CNTN5: variants seen among roughly 807,000 people sequenced by gnomAD.
The protein encoded by CNTN5 is contactin 5, also known as contactin-5.
In CNTN5, 77 loss-of-function variants were observed where a neutral mutation model predicts 129.1. The ratio of observed to expected loss-of-function variants is 0.60; its 90% confidence interval spans 0.50 to 0.72. The LOEUF is 0.72. CNTN5 is among the 30% of genes least tolerant of loss of function. The pLI, the probability that CNTN5 is intolerant of heterozygous loss-of-function variation, is 0.00. For synonymous variants in CNTN5, 509 were observed against 465.6 expected (o/e 1.09, Z -1.20); for missense variants, 1,478 against 1,328.8 (o/e 1.11, Z -1.75).
intron 1 of CNTN5, among the ~76,000 whole-genome samples, chr11:99,274,567 G>A (rs1306476442): frequency 6.6e-6 from 1 of 151,434 alleles, no homozygotes; most frequent in Non-Finnish European, 1.5e-5. Context: ...ATAATTAACT[G>A]TGATTTACTT....
chr11:99,422,784 T>C (rs1942958847), intron 2 of CNTN5, among the ~76,000 whole-genome samples: 1 of 151,964 alleles, frequency 6.6e-6, no homozygotes, highest in South Asian at 2.1e-4. Context: ...ATGTTTGGAA[T>C]GTTCAAAGAA....
rs1865390039 is a variant in CNTN5 at position 99,072,734 on chromosome 11, T to C, written c.-210+51464T>C. ...TTCTATGCTTTTTAAAAAATTGAGATATAGCATATACTCAGAAAAGTGCGC... is the reference window on the plus strand; with the variant it reads ...TTCTATGCTTTTTAAAAAATTGAGACATAGCATATACTCAGAAAAGTGCGC... On this transcript the variant is annotated intron_variant, in intron 1 of 24. Transcript: ENST00000524871. Among the ~76,000 whole-genome samples the C allele has an allele frequency of 2.0e-5, 3 of 152,140 alleles. No homozygotes were observed. The South Asian group carries it at 6.2e-4, about 31-fold the overall frequency.
chr11:99,099,265 AT>A (rs1336683863), intron 1 of CNTN5, among the ~76,000 whole-genome samples: 2 of 152,144 alleles, frequency 1.3e-5, no homozygotes. Context: ...AATCTTAAAG[AT>A]ATTAGTATAA....
chr11:100,115,827 AT>A (rs1861987565), intron 13 of CNTN5, among the ~76,000 whole-genome samples: 1 of 152,064 alleles, frequency 6.6e-6, no homozygotes, highest in Non-Finnish European at 1.5e-5. Context: ...GTTACAAGGT[AT>A]TTTGGGTTTT....
intron 18 of CNTN5, among the ~76,000 whole-genome samples, chr11:100,273,041 T>C (rs550597189): frequency 1.2e-3 from 189 of 152,236 alleles, no homozygotes; most frequent in Non-Finnish European, 1.5e-3. Flanking sequence ...TGTCCTGAAC[T>C]CTGTAAGGCA....
intron 3 of CNTN5, among the ~76,000 whole-genome samples, chr11:99,691,197 A>AC (rs908213576): frequency 6.6e-6 from 1 of 151,202 alleles, no homozygotes; most frequent in Admixed American, 6.6e-5. Context: ...CAAAAAAAAA[A>AC]CCAGCACCTG....
At chr11:100,252,526 C>A (rs1949984448) in intron 16 of CNTN5, among the ~76,000 whole-genome samples, 1 of 151,842 alleles carries the variant, frequency 6.6e-6, no homozygotes, top group Non-Finnish European at 1.5e-5. Flanking sequence ...ATATTTTTTT[C>A]TAGTAGTTTT....
intron 2 of CNTN5, among the ~76,000 whole-genome samples, chr11:99,326,986 G>A (rs1361920108): frequency 6.6e-6 from 1 of 152,080 alleles, no homozygotes; most frequent in Non-Finnish European, 1.5e-5. Context: ...CATCTTGGAA[G>A]CTGTTATTTC....
intron 1 of CNTN5, among the ~76,000 whole-genome samples, chr11:99,245,572 C>T (rs1001348230): frequency 3.3e-5 from 5 of 152,084 alleles, no homozygotes; most frequent in Non-Finnish European, 5.9e-5. Context: ...CCACCTGCCT[C>T]GGCCTCCCAA....
chr11:99,538,763 A>T (rs1292738364), intron 2 of CNTN5, among the ~76,000 whole-genome samples: 5 of 152,112 alleles, frequency 3.3e-5, no homozygotes, highest in African/African-American at 4.8e-5. Flanking sequence ...TTTAAAGTTA[A>T]CTGTTTGCCC....
chr11:99,568,703 T>C (rs1949082545), intron 3 of CNTN5, among the ~76,000 whole-genome samples: 1 of 152,242 alleles, frequency 6.6e-6, no homozygotes, highest in South Asian at 2.1e-4. Flanking sequence ...GATCCAAATA[T>C]GGATTATATA....
intron 21 of CNTN5, among the ~76,000 whole-genome samples, chr11:100,312,017 A>C (rs1024098782): frequency 6.6e-6 from 1 of 152,092 alleles, no homozygotes; most frequent in Admixed American, 6.6e-5. Flanking sequence ...ATTAAAATAA[A>C]TCAACGAAAA....
intron 21 of CNTN5, among the ~76,000 whole-genome samples, chr11:100,317,261 C>T (rs1032262882): frequency 1.3e-5 from 2 of 151,930 alleles, no homozygotes; most frequent in African/African-American, 4.8e-5. Flanking sequence ...TCATGCTGGG[C>T]AGATTGTATT....
intron 23 of CNTN5, among the ~76,000 whole-genome samples, chr11:100,346,598 CA>C (rs1469510419): frequency 2.0e-5 from 3 of 152,008 alleles, no homozygotes; most frequent in Non-Finnish European, 4.4e-5. Flanking sequence ...ATAATCCAAG[CA>C]AAAACTATTA....
intron 3 of CNTN5, among the ~76,000 whole-genome samples, chr11:99,629,356 G>A (rs657055): frequency 0.61 from 92,908 of 151,726 alleles, 29,328 homozygotes; most frequent in Admixed American, 0.74. Flanking sequence ...GAGTCCCAAA[G>A]TTTAAAAAGT....
intron 13 of CNTN5, among the ~76,000 whole-genome samples, chr11:100,098,240 A>G (rs1001002422): frequency 6.6e-6 from 1 of 152,142 alleles, no homozygotes; most frequent in Non-Finnish European, 1.5e-5. Flanking sequence ...TAAAGCAAAT[A>G]CATCAGACTG....
intron 4 of CNTN5, among the ~76,000 whole-genome samples, chr11:99,829,617 T>G (rs1289753416): frequency 6.6e-6 from 1 of 152,204 alleles, no homozygotes; most frequent in Non-Finnish European, 1.5e-5. Flanking sequence ...GATACTGTTA[T>G]TTTGGATAAT....
intron 9 of CNTN5, among the ~76,000 whole-genome samples, chr11:100,037,330 G>T (rs1441690300): frequency 6.6e-6 from 1 of 151,896 alleles, no homozygotes. Context: ...ACTTGATCTT[G>T]GTGGATAAGC....
At chr11:100,014,101 G>A (rs2036969613) in intron 9 of CNTN5, among the ~76,000 whole-genome samples, 1 of 151,978 alleles carries the variant, frequency 6.6e-6, no homozygotes, top group Admixed American at 6.6e-5. Context: ...TGGAAATTAG[G>A]TACCAAGTGT....
Sources: allele counts gnomAD v4.1 joint callset (sites outside exome capture counted in the v4.1 genomes callset), GRCh38; gene constraint gnomAD v4.1.1; transcripts MANE v1.5; gene names NCBI Gene and HGNC (gene_info 2026-07-23, HGNC 2026-07-21).